ST7: variants seen among roughly 807,000 people sequenced by gnomAD.
ST7 encodes the protein suppressor of tumorigenicity 7 protein.
Under a neutral mutation model 78.7 loss-of-function variants are expected in ST7, and 28 were observed. The observed-to-expected ratio is 0.36, with a 90% confidence interval of 0.26 to 0.49. The LOEUF is 0.49. ST7 is among the 20% of genes least tolerant of loss of function. The pLI, the probability that ST7 is intolerant of heterozygous loss-of-function variation, is 0.99. For synonymous variants in ST7, 247 were observed against 249.6 expected, an observed-to-expected ratio of 0.99 and a Z score of 0.10; for missense variants, 418 against 696.0, an observed-to-expected ratio of 0.60 and a Z score of 4.49.
intron 1 of ST7, among the ~76,000 whole-genome samples, chr7:116,974,277 T>TTTTTC (rs1044695622): frequency 2.0e-5 from 3 of 152,036 alleles, no homozygotes; most frequent in Non-Finnish European, 4.4e-5. Context: ...TAGTATATGC[T>TTTTTC]TTTTCTTTTC....
chr7:117,209,251 T>G (rs1792084202), intron 12 of ST7, among the ~76,000 whole-genome samples: 1 of 152,122 alleles, frequency 6.6e-6, no homozygotes, highest in South Asian at 2.1e-4. Flanking sequence ...TCCCCTCCCT[T>G]GGGTCTTCCC....
intron 1 of ST7, among the ~76,000 whole-genome samples, chr7:117,012,757 A>G (rs1001089122): frequency 1.3e-5 from 2 of 152,150 alleles, no homozygotes; most frequent in Admixed American, 1.3e-4. Context: ...AAACTTGCTT[A>G]ATTAGGATAA....
At chr7:117,165,828 T>C (rs1807511249) in intron 9 of ST7, among the ~76,000 whole-genome samples, 1 of 152,128 alleles carries the variant, frequency 6.6e-6, no homozygotes. Context: ...AGGAGAGCAC[T>C]CCAGGGAGGA....
intron 1 of ST7, among the ~76,000 whole-genome samples, chr7:116,965,078 G>A (rs1793034176): frequency 6.6e-6 from 1 of 152,144 alleles, no homozygotes; most frequent in African/African-American, 2.4e-5. Context: ...GGTGGCTCAC[G>A]CCTGTAATCC....
intron 1 of ST7, among the ~76,000 whole-genome samples, chr7:116,978,559 TATC>T (rs1461355484): frequency 6.6e-6 from 1 of 151,910 alleles, no homozygotes; most frequent in African/African-American, 2.4e-5. Context: ...GCAGGAAACA[TATC>T]ATACATTCTA....
At chr7:117,211,470 C>T (rs190210161) in intron 13 of ST7, among the ~76,000 whole-genome samples, 26 of 152,268 alleles carry the variant, frequency 1.7e-4, no homozygotes, top group Admixed American at 1.4e-3. Flanking sequence ...AAAAGCCCAG[C>T]AGGGTTGAAC....
intron 1 of ST7, among the ~76,000 whole-genome samples, chr7:117,042,924 G>A (rs556123213): frequency 2.6e-5 from 4 of 152,002 alleles, no homozygotes; most frequent in African/African-American, 9.7e-5. Context: ...TTTTAGCATA[G>A]TGGTTCCACT....
intron 10 of ST7, among the ~76,000 whole-genome samples, chr7:117,172,657 T>G (rs928482867): frequency 2.6e-5 from 4 of 152,224 alleles, no homozygotes; most frequent in African/African-American, 9.6e-5. Flanking sequence ...GGCTGCCTTG[T>G]AGGCAAAAAT....
At chr7:117,097,043 A>G (rs1801098198) in intron 1 of ST7, among the ~76,000 whole-genome samples, 1 of 152,092 alleles carries the variant, frequency 6.6e-6, no homozygotes, top group Non-Finnish European at 1.5e-5. Context: ...TTTTAAAAAA[A>G]CTCAATTTTT....
chr7:116,984,499 C>A lies in ST7; in HGVS notation c.151+30808C>A, dbSNP rs551376094. Among the ~76,000 whole-genome samples, 4 of 152,166 alleles carry A rather than the reference C, an allele frequency of 2.6e-5. No individual in the cohort carries two copies. The South Asian group carries it at 8.3e-4, about 32-fold the overall frequency. On this transcript the variant is annotated intron_variant, in intron 1 of 15. Transcript: ENST00000323984. ...ACTAAGTGCTCAGTGAGTTTCTGTG[C>A]ACTTCTTCTATTGTATTACTTAATT...
intron 1 of ST7, among the ~76,000 whole-genome samples, chr7:117,001,997 G>A (rs1029550272): frequency 5.3e-5 from 8 of 152,174 alleles, no homozygotes; most frequent in South Asian, 2.1e-4. Context: ...AGGCTGAGGC[G>A]GACGGATCAC....
At chr7:117,198,602 C>T (rs1288664280) in intron 12 of ST7, 1 of 253,002 alleles carries the variant, frequency 4.0e-6, no homozygotes, top group Non-Finnish European at 7.9e-6. Context: ...TATTCTTGTT[C>T]TGAGCCTGGT....
intron 15 of ST7, 119 bp from the exon 16 acceptor site, chr7:117,229,643 T>A: frequency 1.3e-6 from 1 of 777,924 alleles, no homozygotes. Context: ...GATGAAATGG[T>A]TGCCTTTTGA....
At chr7:117,179,539 G>A (rs1808587992) in intron 10 of ST7, among the ~76,000 whole-genome samples, 1 of 152,208 alleles carries the variant, frequency 6.6e-6, no homozygotes, top group South Asian at 2.1e-4. Flanking sequence ...GGTGGTGTCT[G>A]AACTGGACAG....
Position 117,203,403 on chromosome 7 carries a change from A to T in ST7, c.1255-6384A>T, listed in dbSNP as rs561853842. Among the ~76,000 whole-genome samples the T allele has an allele frequency of 5.5e-4, 84 of 152,334 alleles. 1 individual carries two copies. Among genetic ancestry groups the T allele is most frequent in the African/African-American group, 2.0e-3 (83 of 41,586 alleles). ...ATGCTTGGCATGTGTGTTAGTGTGT[A>T]ATCAGTGTTGGCAGTTACCATCATG... On this transcript the variant is annotated intron_variant, in intron 12 of 15. Coordinates refer to ENST00000323984, the MANE Select transcript of ST7 (RefSeq NM_001369598.1).
chr7:117,000,777 AC>A (rs1255906970), intron 1 of ST7, among the ~76,000 whole-genome samples: 1 of 152,202 alleles, frequency 6.6e-6, no homozygotes, highest in Non-Finnish European at 1.5e-5. Flanking sequence ...TGGCCATAAT[AC>A]CTGGGAGGCC....
intron 1 of ST7, among the ~76,000 whole-genome samples, chr7:116,977,843 G>A (rs1370279414): frequency 5.9e-5 from 9 of 152,312 alleles, no homozygotes; most frequent in African/African-American, 1.4e-4. Context: ...GTGAGCCACC[G>A]CGCCCGGCCG....
intron 2 of ST7, among the ~76,000 whole-genome samples, chr7:117,108,897 G>A (rs751461478): frequency 2.0e-5 from 3 of 152,034 alleles, no homozygotes; most frequent in Non-Finnish European, 4.4e-5. Context: ...TTGCTTCTCA[G>A]CTTGGTCGCT....
At chr7:117,162,212 G>A (rs2117219605) in intron 9 of ST7, among the ~76,000 whole-genome samples, 1 of 152,122 alleles carries the variant, frequency 6.6e-6, no homozygotes, top group East Asian at 2.0e-4. Context: ...TTATGTGACA[G>A]GTGGGTTCAG....
Sources: allele counts gnomAD v4.1 joint callset (sites outside exome capture counted in the v4.1 genomes callset), GRCh38; gene constraint gnomAD v4.1.1; transcripts MANE v1.5; gene names NCBI Gene and HGNC (gene_info 2026-07-23, HGNC 2026-07-21).